The following EFL1 variants were observed in gnomAD, a reference collection of about 807,000 sequenced individuals.
EFL1 encodes the protein elongation factor-like GTPase 1.
A neutral mutation model predicts 126.7 loss-of-function variants in EFL1; 76 were observed. That is an observed-to-expected ratio of 0.60 (90% CI 0.50 to 0.73). EFL1 has a LOEUF of 0.73. Ranked by LOEUF, EFL1 falls within the 30% of genes least tolerant of loss-of-function variation. The probability of loss-of-function intolerance (pLI) is 0.00; values close to 1 mark genes in which losing one functional copy is unlikely to be tolerated. For missense variants in EFL1, 1,128 were observed against 1,343.2 expected, an observed-to-expected ratio of 0.84 and a Z score of 2.50; for synonymous variants, 410 against 448.4, an observed-to-expected ratio of 0.91 and a Z score of 1.08.
chr15:82,147,968 T>C (rs1219217337), intron 18 of EFL1, among the ~76,000 whole-genome samples: 1 of 152,202 alleles, frequency 6.6e-6, no homozygotes, highest in Non-Finnish European at 1.5e-5. Flanking sequence ...CAAAGAGCTT[T>C]TTCCAATACT....
chr15:82,252,663 T>C (rs373992448), intron 4 of EFL1, 28 bp downstream of exon 4: 1 of 1,560,416 alleles, frequency 6.4e-7, no homozygotes. Context: ...TGCAAAGCTG[T>C]GTTTCGTTAA....
At chr15:82,133,048 C>T (rs543705879) in intron 19 of EFL1, among the ~76,000 whole-genome samples, 9 of 152,058 alleles carry the variant, frequency 5.9e-5, no homozygotes, top group Non-Finnish European at 1.3e-4. Flanking sequence ...AGCCACCCAC[C>T]CAGGGTGAGG....
At chr15:82,251,253 T>G (rs2141337871) in intron 4 of EFL1, among the ~76,000 whole-genome samples, 1 of 152,270 alleles carries the variant, frequency 6.6e-6, no homozygotes, top group South Asian at 2.1e-4. Flanking sequence ...ATCTGATCTG[T>G]GAGCAGCCAA....
intron 15 of EFL1, among the ~76,000 whole-genome samples, chr15:82,185,669 A>T (rs1318868688): frequency 2.0e-5 from 3 of 151,886 alleles, no homozygotes; most frequent in African/African-American, 4.8e-5. Flanking sequence ...ACAGACAATT[A>T]AAAAAAATAC....
chr15:82,205,576 C>T (rs2074516352), intron 15 of EFL1, among the ~76,000 whole-genome samples: 2 of 151,986 alleles, frequency 1.3e-5, no homozygotes, highest in African/African-American at 2.4e-5. Context: ...ACTCCTTTGA[C>T]TCAACTATTC....
chr15:82,234,275 G>C (rs2867634), intron 7 of EFL1, among the ~76,000 whole-genome samples: 29,602 of 151,854 alleles, frequency 0.19, 3,168 homozygotes, highest in Non-Finnish European at 0.26. Context: ...AAGTACGACC[G>C]TATTATATGA....
At chr15:82,214,244 T>C (rs2074619636) in intron 15 of EFL1, among the ~76,000 whole-genome samples, 1 of 152,186 alleles carries the variant, frequency 6.6e-6, no homozygotes, top group African/African-American at 2.4e-5. Context: ...ATTAAGGAGA[T>C]GAAGAGTAAT....
chr15:82,258,097 C>T lies in EFL1; in HGVS notation c.159+991G>A, dbSNP rs547015976. 4.6e-5 allele frequency among the ~76,000 whole-genome samples: 7 copies of T among 152,286 alleles called. No homozygotes were observed. The South Asian group carries it at 1.0e-3, about 23-fold the overall frequency. On this transcript the variant is annotated intron_variant, in intron 3 of 19. Coordinates refer to ENST00000268206, the MANE Select transcript of EFL1 (RefSeq NM_024580.6). Reference sequence around the variant, plus strand: ...ACCCTGTGGATTCAATTTTGCTTCTCCGTCTCCTCTTCTCTCTATTCTCTG... The same window carrying T: ...ACCCTGTGGATTCAATTTTGCTTCTTCGTCTCCTCTTCTCTCTATTCTCTG...
In EFL1 at chr15:82,229,057, A is replaced by G; in HGVS notation, c.909T>C (p.Ser303=). The change falls in exon 9 of 20, where the codon AGT becomes AGC. Residue 303 remains serine (S), a synonymous_variant. Transcript: ENST00000268206. The part of the protein sequence containing the change: ...FVQLILENIW[S]LYDAVLKKDK... The stretch of plus-strand genomic sequence containing the variant: ...ACTTTTTCAAAACAGCATCATACAA[A>G]CTCCATATATTTTCCAGGATCAACT... 1 of 1,612,082 alleles carries G rather than the reference A, an allele frequency of 6.2e-7. No homozygotes were observed. Among genetic ancestry groups the G allele is most frequent in the South Asian group, 1.1e-5 (1 of 90,734 alleles).
At position 82,164,003 on chromosome 15, in the gene EFL1, C is replaced by T; in HGVS notation, c.1751-19G>A. On this transcript the variant is annotated intron_variant, in intron 15 of 19. Coordinates refer to ENST00000268206, the MANE Select transcript of EFL1 (RefSeq NM_024580.6). Reference sequence around the variant, plus strand: ...CCTATTCCTGTAGGAAGAAAAGATCCATACGGTCAATAAGGGATGATAAAT... The same window carrying T: ...CCTATTCCTGTAGGAAGAAAAGATCTATACGGTCAATAAGGGATGATAAAT... The T allele has an allele frequency of 6.2e-7, 1 of 1,612,822 alleles. No homozygotes were observed. The highest frequency in any genetic ancestry group is 8.5e-7 in the Non-Finnish European group (1 of 1,179,420).
intron 2 of EFL1, among the ~76,000 whole-genome samples, chr15:82,260,815 C>G (rs1168521048): frequency 1.3e-5 from 2 of 152,204 alleles, no homozygotes; most frequent in Non-Finnish European, 2.9e-5. Context: ...TATGACTCAG[C>G]CTGCTTCTTC....
chr15:82,255,722 G>A (rs1311408694), intron 3 of EFL1, among the ~76,000 whole-genome samples: 1 of 152,122 alleles, frequency 6.6e-6, no homozygotes, highest in Non-Finnish European at 1.5e-5. Context: ...AGTTGCCCAA[G>A]AACCACTTGA....
chr15:82,198,579 G>GTCACTTAAAGCAACC, intron 15 of EFL1, among the ~76,000 whole-genome samples: 1 of 152,266 alleles, frequency 6.6e-6, no homozygotes, highest in East Asian at 1.9e-4. Flanking sequence ...AGAGAAGAGG[G>GTCACTTAAAGCAACC]CACAGAGGGT....
rs2074777238 is a variant in EFL1, at chr15:82,227,522, C to T, written c.1120G>A (p.Val374Met). The T allele has an allele frequency of 1.2e-6, 2 of 1,614,168 alleles. No homozygotes were observed. The highest frequency in any genetic ancestry group is 1.7e-6 in the Non-Finnish European group (2 of 1,180,006). Reference sequence around the variant, plus strand: ...GATCCTGTGCACATCAGTCTCTCCACTCTCTCAGCTGTAATATCAAGGGGA... The same window carrying T: ...GATCCTGTGCACATCAGTCTCTCCATTCTCTCAGCTGTAATATCAAGGGGA... ...PSPLDITAERVERLMCTGSQT... is the reference protein window; with the variant it reads ...PSPLDITAERMERLMCTGSQT... Residue 374 changes from valine (V) to methionine (M), a missense_variant, in exon 11 of 20, where the codon GTG becomes ATG. Around this residue, in one of 6 missense-constraint regions of EFL1, gnomAD observed 316 missense variants for 318.5 expected, o/e 0.99. Coordinates refer to ENST00000268206, the MANE Select transcript of EFL1 (RefSeq NM_024580.6).
intron 15 of EFL1, among the ~76,000 whole-genome samples, chr15:82,199,048 C>T (rs566376957): frequency 4.6e-5 from 7 of 152,048 alleles, no homozygotes; most frequent in African/African-American, 1.4e-4. Context: ...ACAAAACCTG[C>T]TTTTTTTCTT....
intron 16 of EFL1, 32 bp from the exon 17 acceptor site, chr15:82,157,892 G>T (rs1463504648): frequency 1.3e-6 from 2 of 1,598,198 alleles, no homozygotes; most frequent in South Asian, 1.1e-5. Flanking sequence ...GATTAAATAT[G>T]ATATAAGAAC....
At chr15:82,138,430 A>ATGTG (rs10675439) in intron 19 of EFL1, among the ~76,000 whole-genome samples, 19,930 of 145,916 alleles carry the variant, frequency 0.14, 2,256 homozygotes, top group African/African-American at 0.32. Context: ...GAGAGAGTGT[A>ATGTG]TGTGTGTGTG....
rs1189946977 is a variant in EFL1 at position 82,157,745 on chromosome 15, G to A, written c.1998C>T (p.His666=). ...EHVLVTAGEV[H]LQRCLDDLKE... ...TTAAGTCATCCAGGCATCGCTGAAG[G>A]TGGACTTCTCCTGCTGTGACTAAAA... Residue 666 remains histidine (H), a synonymous_variant, in exon 17 of 20, where the codon CAC becomes CAT. Coordinates refer to ENST00000268206, the MANE Select transcript of EFL1 (RefSeq NM_024580.6). The A allele has an allele frequency of 6.2e-7, 1 of 1,613,286 alleles. No homozygotes were observed. Among genetic ancestry groups the A allele is most frequent in the Non-Finnish European group, 8.5e-7 (1 of 1,179,522 alleles).
At chr15:82,221,399 G>A (rs1350861815) in intron 12 of EFL1, among the ~76,000 whole-genome samples, 1 of 152,128 alleles carries the variant, frequency 6.6e-6, no homozygotes, top group Non-Finnish European at 1.5e-5. Flanking sequence ...GGCTCCTGAT[G>A]CAAAGTGGCC....
Sources: gnomAD v4.1 joint callset for allele counts (sites outside exome capture counted in the v4.1 genomes callset) on GRCh38, gnomAD v4.1.1 for gene constraint, gnomAD v4.1.1 regional missense constraint, MANE v1.5 for transcripts, NCBI Gene and HGNC (gene_info 2026-07-23, HGNC 2026-07-21) for gene names.